The following LRBA variants were observed in gnomAD, a reference collection of about 807,000 sequenced individuals.
The protein encoded by LRBA is LPS responsive beige-like anchor protein, also known as lipopolysaccharide-responsive and beige-like anchor protein.
LRBA carries 176 observed loss-of-function variants against 330.0 expected under a neutral mutation model. That is an observed-to-expected ratio of 0.53 (90% CI 0.47 to 0.60). LRBA has a LOEUF of 0.60. Ranked by LOEUF, LRBA falls within the 20% of genes least tolerant of loss-of-function variation. The pLI, the probability that LRBA is intolerant of heterozygous loss-of-function variation, is 0.00. For missense variants in LRBA, 3,259 were observed against 3,444.8 expected, an observed-to-expected ratio of 0.95 and a Z score of 1.35; for synonymous variants, 1,230 against 1,193.0, an observed-to-expected ratio of 1.03 and a Z score of -0.64.
intron 52 of LRBA, among the ~76,000 whole-genome samples, chr4:150,303,704 G>T (rs976393001): frequency 6.6e-6 from 1 of 152,110 alleles, no homozygotes; most frequent in Non-Finnish European, 1.5e-5. Flanking sequence ...CCAGGTAGCT[G>T]GGACTACAGG....
intron 36 of LRBA, among the ~76,000 whole-genome samples, chr4:150,693,011 C>T (rs950959652): frequency 6.6e-6 from 1 of 151,988 alleles, no homozygotes; most frequent in African/African-American, 2.4e-5. Flanking sequence ...CTGAAAACAA[C>T]CAAACAAACA....
At chr4:150,338,180 T>C (rs1384053879) in intron 48 of LRBA, among the ~76,000 whole-genome samples, 1 of 151,974 alleles carries the variant, frequency 6.6e-6, no homozygotes, top group African/African-American at 2.4e-5. Context: ...TTAGGGAAAA[T>C]TTTCAGGTTT....
At chr4:150,449,760 A>G (rs1489235530) in intron 44 of LRBA, among the ~76,000 whole-genome samples, 1 of 152,144 alleles carries the variant, frequency 6.6e-6, no homozygotes, top group Non-Finnish European at 1.5e-5. Flanking sequence ...TACCTGACAT[A>G]AGAAGAAGCA....
At chr4:150,987,167 TAC>T (rs1399812458) in intron 2 of LRBA, among the ~76,000 whole-genome samples, 22 of 152,170 alleles carry the variant, frequency 1.4e-4, no homozygotes, top group Non-Finnish European at 2.9e-5. Context: ...GAACTTAAAT[TAC>T]ACAGTGGTCC....
intron 34 of LRBA, among the ~76,000 whole-genome samples, chr4:150,788,798 G>C (rs1739468560): frequency 6.7e-6 from 1 of 149,582 alleles, no homozygotes; most frequent in Non-Finnish European, 1.5e-5. Context: ...ATCTAGGTCA[G>C]GCACAGTGGC....
At chr4:150,568,574 G>A (rs1324646772) in intron 40 of LRBA, among the ~76,000 whole-genome samples, 1 of 152,084 alleles carries the variant, frequency 6.6e-6, no homozygotes, top group Non-Finnish European at 1.5e-5. Context: ...AAACTTTAGT[G>A]TAAATAATCC....
At chr4:150,844,634 A>G in intron 27 of LRBA, 24 bp downstream of exon 27, 1 of 1,577,594 alleles carries the variant, frequency 6.3e-7, no homozygotes, top group Non-Finnish European at 8.6e-7. Context: ...TGCTTTTTGA[A>G]AATTAATTAA....
intron 35 of LRBA, among the ~76,000 whole-genome samples, chr4:150,750,007 G>A (rs1318864257): frequency 1.3e-5 from 2 of 151,960 alleles, no homozygotes; most frequent in Non-Finnish European, 2.9e-5. Context: ...ACTCCTTATG[G>A]CCTCTGCTCT....
intron 53 of LRBA, among the ~76,000 whole-genome samples, chr4:150,288,398 A>G (rs1270575774): frequency 6.6e-6 from 1 of 152,094 alleles, no homozygotes; most frequent in African/African-American, 2.4e-5. Flanking sequence ...ACCTGAGGTT[A>G]CGAGTTAGAG....
At chr4:150,639,588 CAAAAAAAAA>C (rs879128535) in intron 37 of LRBA, among the ~76,000 whole-genome samples, 3 of 46,268 alleles carry the variant, frequency 6.5e-5, no homozygotes, top group Non-Finnish European at 1.3e-4. Flanking sequence ...GCAGAAGGAG[CAAAAAAAAA>C]AAAAAAAAAA....
intron 2 of LRBA, among the ~76,000 whole-genome samples, chr4:150,980,548 G>A (rs778588398): frequency 3.3e-5 from 5 of 152,192 alleles, no homozygotes; most frequent in Admixed American, 6.5e-5. Flanking sequence ...GGGAGAGGGG[G>A]CTGAGGCAGG....
intron 34 of LRBA, among the ~76,000 whole-genome samples, chr4:150,778,573 T>A (rs1737740744): frequency 6.6e-6 from 1 of 152,192 alleles, no homozygotes; most frequent in Non-Finnish European, 1.5e-5. Context: ...ACAATAATGA[T>A]CCTTCCAGTG....
intron 47 of LRBA, among the ~76,000 whole-genome samples, chr4:150,407,218 AGGC>A (rs1370543126): frequency 6.6e-6 from 1 of 152,234 alleles, no homozygotes; most frequent in African/African-American, 2.4e-5. Flanking sequence ...GTGAAGACAC[AGGC>A]AGACATCCTC....
chr4:150,852,762 G>A lies in LRBA; in HGVS notation c.2948C>T (p.Pro983Leu). The A allele has an allele frequency of 1.2e-6, 2 of 1,613,934 alleles. No individual in the cohort carries two copies. Among genetic ancestry groups the A allele is most frequent in the South Asian group, 1.1e-5 (1 of 91,048 alleles). The change falls in exon 23 of 57, where the codon CCT (proline) becomes CTT (leucine). Residue 983 changes from proline to leucine, a missense_variant. By Grantham distance (98) the Pro-to-Leu change is moderately conservative. Coordinates refer to ENST00000651943, the MANE Select transcript of LRBA (RefSeq NM_001364905.1). ...TTCATTACCATTTGTGGTGAAATGA[G>A]GACAGACAGGAGAATCCTTCGTATC... is the stretch of plus-strand genomic sequence containing the variant. Reference protein sequence around the residue: ...QPDTKDSPVCPHFTTNGNENS... With the variant: ...QPDTKDSPVCLHFTTNGNENS...
At chr4:150,934,441 A>G (rs552663962) in intron 2 of LRBA, among the ~76,000 whole-genome samples, 1 of 152,356 alleles carries the variant, frequency 6.6e-6, no homozygotes, top group South Asian at 2.1e-4. Flanking sequence ...AACTCATTCA[A>G]CACACTTTTA....
chr4:150,366,344 C>G (rs1739465022), intron 47 of LRBA, among the ~76,000 whole-genome samples: 1 of 151,994 alleles, frequency 6.6e-6, no homozygotes, highest in East Asian at 1.9e-4. Flanking sequence ...CTTTGTTCTT[C>G]AAAAATATAA....
intron 40 of LRBA, among the ~76,000 whole-genome samples, chr4:150,571,038 C>T (rs1769776356): frequency 6.6e-6 from 1 of 152,108 alleles, no homozygotes; most frequent in African/African-American, 2.4e-5. Context: ...CCAAGAAAGA[C>T]ATTAGTCATC....
chr4:150,315,510 G>A, intron 51 of LRBA, 51 bp downstream of exon 51: 1 of 1,429,826 alleles, frequency 7.0e-7, no homozygotes. Flanking sequence ...TACACTTCAG[G>A]GCCACCATAC....
chr4:150,428,328 A>C (rs963880348), intron 46 of LRBA, among the ~76,000 whole-genome samples: 1 of 152,086 alleles, frequency 6.6e-6, no homozygotes, highest in East Asian at 1.9e-4. Flanking sequence ...AGATATGACC[A>C]GTGATGGTAT....
Sources: allele counts gnomAD v4.1 joint callset (sites outside exome capture counted in the v4.1 genomes callset), GRCh38; gene constraint gnomAD v4.1.1; transcripts MANE v1.5; gene names NCBI Gene and HGNC (gene_info 2026-07-23, HGNC 2026-07-21).